DR1: variants seen among roughly 807,000 people sequenced by gnomAD.
DR1 encodes the protein down-regulator of transcription 1.
A neutral mutation model predicts 19.9 loss-of-function variants in DR1; 7 were observed. That is an observed-to-expected ratio of 0.35 (90% CI 0.20 to 0.66). The LOEUF is 0.66. Among genes scored for constraint, DR1 ranks in the 30% least tolerant of loss-of-function variants. DR1 has a pLI of 0.66. For synonymous variants in DR1, 76 were observed against 72.5 expected (o/e 1.05, Z -0.24); for missense variants, 98 against 203.7 (o/e 0.48, Z 3.16).
chr1:93,360,738 G>T lies in DR1; in HGVS notation c.*99G>T. 7.4e-7 allele frequency: 1 copy of T among 1,345,254 alleles called. No individual in the cohort carries two copies. 83.3% of individuals were successfully genotyped at this position (1,345,254 alleles called of 1,614,324 possible). On this transcript the variant is annotated 3_prime_UTR_variant, in exon 3 of 3. Coordinates refer to ENST00000370272, the MANE Select transcript of DR1 (RefSeq NM_001938.3). Reference sequence around the variant, plus strand: ...TATCTGTAATTTTGTATGCATCTTGGTGGACTTGTCATTGGTATTCTAGGG... The same window carrying T: ...TATCTGTAATTTTGTATGCATCTTGTTGGACTTGTCATTGGTATTCTAGGG...
chr1:93,350,292 G>A (rs1666900633), intron 1 of DR1, among the ~76,000 whole-genome samples: 1 of 152,064 alleles, frequency 6.6e-6, no homozygotes, highest in South Asian at 2.1e-4. Context: ...ATTTCCAGTA[G>A]TGATACCATG....
At position 93,369,015 on chromosome 1, in the gene DR1, A is replaced by G. The variant is rs1195116297; in HGVS notation, c.*8376A>G. 6.6e-6 allele frequency: 1 copy of G among 152,062 alleles called. No homozygotes were observed. The highest frequency in any genetic ancestry group is 6.5e-5 in the Admixed American group (1 of 15,282). The allele number at this position is 152,062 out of a possible 1,614,324, so 9.4% of individuals were successfully genotyped here. A position where few individuals can be genotyped will look rare whatever the true frequency, so the allele number is the denominator to read the frequency against. ...ATAGTATAAATTTTAAAAATAATATAACAATATTTATATATCATTTACATT... is the reference window on the plus strand; with the variant it reads ...ATAGTATAAATTTTAAAAATAATATGACAATATTTATATATCATTTACATT... On this transcript the variant is annotated 3_prime_UTR_variant, in exon 3 of 3. Coordinates refer to ENST00000370272, the MANE Select transcript of DR1 (RefSeq NM_001938.3).
chr1:93,356,875 C>G (rs1666993888), intron 2 of DR1, among the ~76,000 whole-genome samples: 1 of 152,074 alleles, frequency 6.6e-6, no homozygotes, highest in African/African-American at 2.4e-5. Context: ...GCATGCACCA[C>G]CATGCCTGGC....
intron 1 of DR1, among the ~76,000 whole-genome samples, chr1:93,352,891 A>ATT (rs66850500): frequency 0.069 from 9,602 of 139,308 alleles, 1,152 homozygotes; most frequent in African/African-American, 0.25. Flanking sequence ...GGGTGTGTGA[A>ATT]TTTTTTTTTT....
chr1:93,357,304 A>G (rs890145114), intron 2 of DR1, among the ~76,000 whole-genome samples: 1 of 151,850 alleles, frequency 6.6e-6, no homozygotes, highest in Non-Finnish European at 1.5e-5. Flanking sequence ...GGTCTTCTGC[A>G]TTTCCTTGTA....
At chr1:93,346,914 C>G in intron 1 of DR1, 49 bp downstream of exon 1, 3 of 1,481,702 alleles carry the variant, frequency 2.0e-6, no homozygotes, top group Non-Finnish European at 2.8e-6. Flanking sequence ...GGGTAGCAGT[C>G]TGCTAATCGC....
At chr1:93,348,446 G>T (rs1666878901) in intron 1 of DR1, among the ~76,000 whole-genome samples, 1 of 151,962 alleles carries the variant, frequency 6.6e-6, no homozygotes, top group Non-Finnish European at 1.5e-5. Flanking sequence ...ATTTCAGCAG[G>T]GTCTGCCTAA....
Position 93,369,492 on chromosome 1 carries a change from T to A in DR1, c.*8853T>A, listed in dbSNP as rs1218421560. 1 of 152,192 alleles carries A rather than the reference T, an allele frequency of 6.6e-6. No individual in the cohort carries two copies. The highest frequency in any genetic ancestry group is 6.5e-5 in the Admixed American group (1 of 15,280). 9.4% of individuals were successfully genotyped at this position (152,192 alleles called of 1,614,324 possible). ...GTTATTTTATAAAGTTGATTTGTGG[T>A]ATAGGCTTTACATATGTCTTTTCTT... On this transcript the variant is annotated 3_prime_UTR_variant, in exon 3 of 3. Coordinates refer to ENST00000370272, the MANE Select transcript of DR1 (RefSeq NM_001938.3).
intron 1 of DR1, among the ~76,000 whole-genome samples, chr1:93,347,961 A>G (rs1392250054): frequency 3.3e-5 from 5 of 152,148 alleles, no homozygotes; most frequent in African/African-American, 9.7e-5. Flanking sequence ...GTGGTTGTCT[A>G]TCACTTAATT....
Position 93,364,851 on chromosome 1 carries a change from C to CTTTTTTTTTTTTTTT in DR1, c.*4218_*4232dup, listed in dbSNP as rs1185414953. ...TTTTCTTTTTTCTTTTCTTTTCTTT[C>CTTTTTTTTTTTTTTT]TTTTTTTTTTTTTTTTTTTTGAGAC... On this transcript the variant is annotated 3_prime_UTR_variant, in exon 3 of 3. Coordinates refer to ENST00000370272, the MANE Select transcript of DR1 (RefSeq NM_001938.3). 3.3e-4 allele frequency: 33 copies of CTTTTTTTTTTTTTTT among 100,654 alleles called. No individual in the cohort carries two copies. Among genetic ancestry groups the CTTTTTTTTTTTTTTT allele is most frequent in the East Asian group, 5.9e-4 (2 of 3,364 alleles). 6.2% of individuals were successfully genotyped at this position (100,654 alleles called of 1,614,324 possible).
intron 1 of DR1, among the ~76,000 whole-genome samples, chr1:93,348,969 A>T (rs567381230): frequency 9.7e-4 from 147 of 152,234 alleles, no homozygotes; most frequent in African/African-American, 3.5e-3. Context: ...CTATACACTA[A>T]TCATAATAGG....
At chr1:93,358,647 C>A (rs1428465269) in intron 2 of DR1, among the ~76,000 whole-genome samples, 1 of 152,172 alleles carries the variant, frequency 6.6e-6, no homozygotes, top group Non-Finnish European at 1.5e-5. Context: ...TCTTAAGCTT[C>A]TAAATTTTAA....
Position 93,363,417 on chromosome 1 carries a change from C to T in DR1, c.*2778C>T, listed in dbSNP as rs568856069. On this transcript the variant is annotated 3_prime_UTR_variant, in exon 3 of 3. Transcript: ENST00000370272. Reference sequence around the variant, plus strand: ...TTTATAGTCCTGGAGATCAGAAGTCCAAAAATCAGTTTCATTAGGCCTAAA... The same window carrying T: ...TTTATAGTCCTGGAGATCAGAAGTCTAAAAATCAGTTTCATTAGGCCTAAA... 2 of 152,266 alleles carry T rather than the reference C, an allele frequency of 1.3e-5. No individual in the cohort carries two copies. Among genetic ancestry groups the T allele is most frequent in the African/African-American group, 4.8e-5 (2 of 41,560 alleles). 9.4% of individuals were successfully genotyped at this position (152,266 alleles called of 1,614,324 possible).
intron 2 of DR1, among the ~76,000 whole-genome samples, chr1:93,357,859 C>CCCTA (rs1667008706): frequency 6.6e-6 from 1 of 152,026 alleles, no homozygotes; most frequent in African/African-American, 2.4e-5. Context: ...ATTAACATGT[C>CCCTA]CCTACTGTAT....
intron 1 of DR1, among the ~76,000 whole-genome samples, chr1:93,350,463 A>G (rs575187920): frequency 2.0e-5 from 3 of 152,342 alleles, no homozygotes; most frequent in African/African-American, 2.4e-5. Context: ...GCTGATTTAT[A>G]TAGTATTTAA....
Position 93,355,864 on chromosome 1 carries a change from A to G in DR1, c.384+1793A>G, listed in dbSNP as rs1329362125. ...GTGGATAAGTAAATATATCTTTTTT[A>G]TCACTTTCATTTTGTTTCATTTTTT... On this transcript the variant is annotated intron_variant, in intron 2 of 2. Transcript: ENST00000370272. 9 of 152,172 alleles carry G rather than the reference A, an allele frequency of 5.9e-5. No homozygotes were observed. The East Asian group carries it at 1.7e-3, about 29-fold the overall frequency. The allele number at this position is 152,172 out of a possible 1,614,324, so 9.4% of individuals were successfully genotyped here. A position where few individuals can be genotyped will look rare whatever the true frequency, so the allele number is the denominator to read the frequency against.
rs1304563841 is a variant in DR1 at position 93,368,027 on chromosome 1, A to C, written c.*7388A>C. ...TTCGTCTCAAAAAAACAAACAAAAA[A>C]AGAAATTACATTAGTTGAGGACCTG... On this transcript the variant is annotated 3_prime_UTR_variant, in exon 3 of 3. Transcript: ENST00000370272. The C allele has an allele frequency of 6.6e-6, 1 of 152,212 alleles. No homozygotes were observed. Among genetic ancestry groups the C allele is most frequent in the Non-Finnish European group, 1.5e-5 (1 of 68,040 alleles). The allele number at this position is 152,212 out of a possible 1,614,324, so 9.4% of individuals were successfully genotyped here. A position where few individuals can be genotyped will look rare whatever the true frequency, so the allele number is the denominator to read the frequency against.
In DR1 at chr1:93,361,590, T is replaced by C. The variant is rs1488791573; in HGVS notation, c.*951T>C. On this transcript the variant is annotated 3_prime_UTR_variant, in exon 3 of 3. Transcript: ENST00000370272. ...ATGAGAGAGGGATTTTTAATTTAAC[T>C]TGTAGTTATAGTTTACTTATTGTTT... The C allele has an allele frequency of 6.6e-6, 1 of 152,590 alleles. No individual in the cohort carries two copies. The highest frequency in any genetic ancestry group is 1.5e-5 in the Non-Finnish European group (1 of 67,960). 9.5% of individuals were successfully genotyped at this position (152,590 alleles called of 1,614,324 possible).
chr1:93,362,826 C>CTTTTTTTTTTTTTTTTTTTTTT lies in DR1; in HGVS notation c.*2194_*2215dup, dbSNP rs55792701. On this transcript the variant is annotated 3_prime_UTR_variant, in exon 3 of 3. Coordinates refer to ENST00000370272, the MANE Select transcript of DR1 (RefSeq NM_001938.3). ...GCAATATTTTATTTTTAGGTTTTTT[C>CTTTTTTTTTTTTTTTTTTTTTT]TTTTTTTTTTTTTTTTTTTTTTTTT... 1 of 52,848 alleles carries CTTTTTTTTTTTTTTTTTTTTTT rather than the reference C, an allele frequency of 1.9e-5. No individual in the cohort carries two copies. 3.3% of individuals were successfully genotyped at this position (52,848 alleles called of 1,614,324 possible). A position where few individuals can be genotyped will look rare whatever the true frequency, so the allele number is the denominator to read the frequency against.
Sources: gnomAD v4.1 joint callset for allele counts (sites outside exome capture counted in the v4.1 genomes callset) on GRCh38, gnomAD v4.1.1 for gene constraint, MANE v1.5 for transcripts, NCBI Gene and HGNC (gene_info 2026-07-23, HGNC 2026-07-21) for gene names.